The following ANK3 variants were observed in gnomAD, a reference collection of about 807,000 sequenced individuals.
ANK3 encodes ankyrin-3.
Under a neutral mutation model 370.9 loss-of-function variants are expected in ANK3, and 57 were observed. The observed-to-expected ratio is 0.15, with a 90% CI of 0.12 to 0.19. The LOEUF is 0.19. Among genes scored for constraint, ANK3 ranks in the 10% least tolerant of loss-of-function variants. The pLI is 1.00. For missense variants in ANK3, 4,439 were observed against 5,302.1 expected, an observed-to-expected ratio of 0.84 and a Z score of 5.06; for synonymous variants, 1,929 against 1,946.3, an observed-to-expected ratio of 0.99 and a Z score of 0.23.
At chr10:60,443,289 A>ATGTGTGTG (rs140087456) in intron 2 of ANK3, among the ~76,000 whole-genome samples, 1 of 151,934 alleles carries the variant, frequency 6.6e-6, no homozygotes, top group South Asian at 2.1e-4. Context: ...TTAGAATAAA[A>ATGTGTGTG]TGTGTGTGTG....
chr10:60,696,358 T>C (rs1345510578), intron 1 of ANK3, among the ~76,000 whole-genome samples: 1 of 148,928 alleles, frequency 6.7e-6, no homozygotes, highest in East Asian at 1.9e-4. Context: ...TCTGAAACTA[T>C]TCCAATCAAT....
At chr10:60,131,184 A>G (rs1164808088) in intron 25 of ANK3, among the ~76,000 whole-genome samples, 1 of 152,218 alleles carries the variant, frequency 6.6e-6, no homozygotes, top group African/African-American at 2.4e-5. Context: ...AAAATGATCA[A>G]TGATTTCCTA....
intron 2 of ANK3, among the ~76,000 whole-genome samples, chr10:60,613,046 T>C (rs1434081034): frequency 6.6e-6 from 1 of 152,212 alleles, no homozygotes; most frequent in African/African-American, 2.4e-5. Flanking sequence ...TGAATAGTTG[T>C]TTCATTCTTG....
At chr10:60,659,294 T>C (rs180703089) in intron 1 of ANK3, among the ~76,000 whole-genome samples, 1,543 of 152,228 alleles carry the variant, frequency 0.01, 12 homozygotes, top group Middle Eastern at 0.02. Flanking sequence ...AAATATACTA[T>C]TGGGCCAGAA....
intron 4 of ANK3, among the ~76,000 whole-genome samples, chr10:60,278,139 T>C (rs1256569697): frequency 6.6e-6 from 1 of 152,190 alleles, no homozygotes; most frequent in African/African-American, 2.4e-5. Flanking sequence ...CTATGTTCAT[T>C]ACAAAGAATC....
At chr10:60,273,031 T>C (rs550076601) in intron 4 of ANK3, among the ~76,000 whole-genome samples, 2 of 152,280 alleles carry the variant, frequency 1.3e-5, no homozygotes, top group Admixed American at 1.3e-4. Flanking sequence ...CACTGGGTTT[T>C]AAGGTAATGC....
chr10:60,093,475 A>C (rs934085754), intron 28 of ANK3, among the ~76,000 whole-genome samples: 1 of 152,210 alleles, frequency 6.6e-6, no homozygotes, highest in African/African-American at 2.4e-5. Flanking sequence ...TTTACTTGAG[A>C]TCAGTCTAGA....
chr10:60,254,379 T>C lies in ANK3; in HGVS notation c.798+7480A>G, dbSNP rs115939793. ...ACCAAAGTAGAGTCTCCAAAAGCCC[T>C]ACACCCTTGTAAAACCATCAGGAGT... On this transcript the variant is annotated intron_variant, in intron 7 of 43. Coordinates refer to ENST00000280772, the MANE Select transcript of ANK3 (RefSeq NM_020987.5). 9.0e-3 allele frequency among the ~76,000 whole-genome samples: 1,365 copies of C among 152,222 alleles called. 23 individuals are homozygous for C. Among genetic ancestry groups the C allele is most frequent in the African/African-American group, 0.032 (1,314 of 41,522 alleles).
chr10:60,659,865 T>C (rs2078913691), intron 1 of ANK3, among the ~76,000 whole-genome samples: 1 of 152,174 alleles, frequency 6.6e-6, no homozygotes, highest in Non-Finnish European at 1.5e-5. Flanking sequence ...GGGCATCCTT[T>C]GTTTCTATGA....
At chr10:60,242,491 G>T (rs955194735) in intron 7 of ANK3, among the ~76,000 whole-genome samples, 1 of 152,140 alleles carries the variant, frequency 6.6e-6, no homozygotes, top group African/African-American at 2.4e-5. Context: ...TGGGTAGGGG[G>T]AGAAATTCTA....
At chr10:60,341,662 C>T (rs971825737) in intron 1 of ANK3, among the ~76,000 whole-genome samples, 33 of 152,224 alleles carry the variant, frequency 2.2e-4, no homozygotes, top group Admixed American at 1.9e-3. Flanking sequence ...GGGTAGAGAT[C>T]GTGCCTGGTT....
intron 1 of ANK3, among the ~76,000 whole-genome samples, chr10:60,295,673 C>T (rs1013698674): frequency 6.6e-6 from 1 of 152,064 alleles, no homozygotes; most frequent in East Asian, 1.9e-4. Flanking sequence ...ATACTCCTAA[C>T]TATTATTGAG....
At chr10:60,429,091 C>A (rs1240051859) in intron 2 of ANK3, among the ~76,000 whole-genome samples, 1 of 152,080 alleles carries the variant, frequency 6.6e-6, no homozygotes, top group African/African-American at 2.4e-5. Context: ...CCCAGGGACC[C>A]CATCTCAGGT....
At chr10:60,142,589 G>A (rs955366032) in intron 23 of ANK3, among the ~76,000 whole-genome samples, 3 of 151,200 alleles carry the variant, frequency 2.0e-5, no homozygotes, top group African/African-American at 7.3e-5. Flanking sequence ...TAAATGACTG[G>A]TATACAGTAA....
At chr10:60,620,693 C>A (rs892123948) in intron 1 of ANK3, among the ~76,000 whole-genome samples, 1 of 152,110 alleles carries the variant, frequency 6.6e-6, no homozygotes, top group Admixed American at 6.5e-5. Context: ...CTTAAGAAAC[C>A]ATTAGTTGTG....
intron 12 of ANK3, among the ~76,000 whole-genome samples, chr10:60,200,612 C>T (rs1226431186): frequency 6.7e-6 from 1 of 149,338 alleles, no homozygotes; most frequent in African/African-American, 2.4e-5. Context: ...CCCCCCACCC[C>T]ACACCCCCCA....
intron 2 of ANK3, among the ~76,000 whole-genome samples, chr10:60,564,944 C>T (rs879584093): frequency 1.2e-4 from 18 of 152,052 alleles, no homozygotes; most frequent in Admixed American, 9.8e-4. Flanking sequence ...CTAGTAGAAT[C>T]CTAAACATAT....
intron 2 of ANK3, among the ~76,000 whole-genome samples, chr10:60,454,873 C>A (rs767081722): frequency 7.2e-5 from 11 of 152,134 alleles, no homozygotes; most frequent in Non-Finnish European, 2.9e-5. Flanking sequence ...ACTAAGTTCT[C>A]AAATAGTTTT....
intron 1 of ANK3, among the ~76,000 whole-genome samples, chr10:60,379,143 C>A (rs1449378345): frequency 2.0e-5 from 3 of 151,938 alleles, no homozygotes; most frequent in African/African-American, 7.3e-5. Context: ...AAATCAAAAC[C>A]ACAATGAGGT....
Sources: allele counts gnomAD v4.1 joint callset (sites outside exome capture counted in the v4.1 genomes callset), GRCh38; gene constraint gnomAD v4.1.1; transcripts MANE v1.5; gene names NCBI Gene and HGNC (gene_info 2026-07-23, HGNC 2026-07-21).